The following FHIT variants were observed in gnomAD, a reference collection of about 807,000 sequenced individuals.
The protein encoded by FHIT is bis(5'-adenosyl)-triphosphatase.
FHIT carries 19 observed loss-of-function variants against 17.9 expected under a neutral mutation model. The observed-to-expected ratio is 1.06, with a 90% confidence interval of 0.74 to 1.56. FHIT has a LOEUF of 1.56. Among genes scored for constraint, FHIT ranks in the 40% most tolerant of loss-of-function variants. The pLI is 0.00. For synonymous variants in FHIT, 81 were observed against 69.7 expected (o/e 1.16, Z -0.81); for missense variants, 248 against 189.2 (o/e 1.31, Z -1.82).
intron 5 of FHIT, among the ~76,000 whole-genome samples, chr3:60,305,480 C>T (rs937636923): frequency 3.3e-5 from 5 of 152,114 alleles, no homozygotes; most frequent in Non-Finnish European, 5.9e-5. Context: ...CCATGAGTTA[C>T]TGCCAACAAG....
intron 2 of FHIT, among the ~76,000 whole-genome samples, chr3:61,042,781 A>G (rs915929273): frequency 1.3e-4 from 20 of 151,854 alleles, no homozygotes; most frequent in Non-Finnish European, 2.6e-4. Context: ...CAGAGGTTGC[A>G]GTGAGCCAAG....
intron 5 of FHIT, among the ~76,000 whole-genome samples, chr3:60,390,502 G>A (rs999247894): frequency 6.8e-6 from 1 of 146,940 alleles, no homozygotes; most frequent in Non-Finnish European, 1.5e-5. Context: ...ATTTATAAAA[G>A]AGAAATAAAA....
intron 5 of FHIT, among the ~76,000 whole-genome samples, chr3:60,079,028 G>C (rs920749201): frequency 6.6e-6 from 1 of 152,086 alleles, no homozygotes; most frequent in African/African-American, 2.4e-5. Flanking sequence ...TCTTCATTGA[G>C]GCTCGGCTCC....
intron 8 of FHIT, among the ~76,000 whole-genome samples, chr3:59,837,850 TG>T (rs1553691760): frequency 6.6e-6 from 1 of 151,752 alleles, no homozygotes; most frequent in Non-Finnish European, 1.5e-5. Context: ...GGTGGTGGTG[TG>T]GGGGGGTGGT....
chr3:60,095,669 T>C (rs1035401823), intron 5 of FHIT, among the ~76,000 whole-genome samples: 1 of 152,162 alleles, frequency 6.6e-6, no homozygotes, highest in Non-Finnish European at 1.5e-5. Context: ...AATACAGATG[T>C]TTTTCTAGAT....
At chr3:60,053,181 A>G (rs1701951075) in intron 5 of FHIT, among the ~76,000 whole-genome samples, 1 of 151,548 alleles carries the variant, frequency 6.6e-6, no homozygotes, top group African/African-American at 2.4e-5. Context: ...CTTCTTTCAA[A>G]TACCAGTTTA....
chr3:60,839,146 C>A (rs531452631), intron 3 of FHIT, among the ~76,000 whole-genome samples: 3 of 152,084 alleles, frequency 2.0e-5, no homozygotes, highest in Non-Finnish European at 4.4e-5. Context: ...TCCTGTGTAC[C>A]ACGAGGAGCT....
intron 4 of FHIT, among the ~76,000 whole-genome samples, chr3:60,686,302 T>C (rs1553698419): frequency 6.6e-6 from 1 of 152,202 alleles, no homozygotes; most frequent in Non-Finnish European, 1.5e-5. Flanking sequence ...CTTGAACGTG[T>C]ACATTTATCT....
intron 5 of FHIT, among the ~76,000 whole-genome samples, chr3:60,088,976 T>C (rs1703616811): frequency 6.6e-6 from 1 of 152,178 alleles, no homozygotes; most frequent in Non-Finnish European, 1.5e-5. Flanking sequence ...TTTAGGCCAA[T>C]TCAGTTTGCC....
At chr3:60,384,930 T>C (rs936633143) in intron 5 of FHIT, among the ~76,000 whole-genome samples, 4 of 152,170 alleles carry the variant, frequency 2.6e-5, no homozygotes, top group African/African-American at 9.7e-5. Flanking sequence ...TTTCTTTCGC[T>C]CTATACAGTT....
At chr3:59,816,596 G>T (rs2107072873) in intron 8 of FHIT, among the ~76,000 whole-genome samples, 1 of 152,268 alleles carries the variant, frequency 6.6e-6, no homozygotes, top group South Asian at 2.1e-4. Context: ...TAGGTGCTCA[G>T]GGAGCAGGAA....
At chr3:60,344,001 T>C (rs1013506058) in intron 5 of FHIT, among the ~76,000 whole-genome samples, 1 of 152,206 alleles carries the variant, frequency 6.6e-6, no homozygotes, top group Non-Finnish European at 1.5e-5. Context: ...CACTTTGCTT[T>C]CAAACTCTAT....
chr3:60,002,094 C>T (rs1247097796), intron 7 of FHIT, among the ~76,000 whole-genome samples: 1 of 152,072 alleles, frequency 6.6e-6, no homozygotes, highest in African/African-American at 2.4e-5. Flanking sequence ...GTTGTTTATT[C>T]TTCTCAACCA....
intron 4 of FHIT, among the ~76,000 whole-genome samples, chr3:60,563,376 A>G (rs2037022300): frequency 6.6e-6 from 1 of 152,188 alleles, no homozygotes; most frequent in Non-Finnish European, 1.5e-5. Flanking sequence ...CAGATATTGC[A>G]TTTTTAGACC....
intron 5 of FHIT, among the ~76,000 whole-genome samples, chr3:60,295,694 TTA>T (rs942847052): frequency 5.9e-5 from 9 of 152,236 alleles, no homozygotes; most frequent in Admixed American, 5.9e-4. Flanking sequence ...TGTAAGGCAG[TTA>T]TATGTTTAGT....
chr3:59,939,800 T>C (rs1706422123), intron 7 of FHIT, among the ~76,000 whole-genome samples: 1 of 152,268 alleles, frequency 6.6e-6, no homozygotes, highest in African/African-American at 2.4e-5. Context: ...TCCAGAGAAA[T>C]GTCACACCCT....
intron 4 of FHIT, among the ~76,000 whole-genome samples, chr3:60,793,517 G>T (rs779398902): frequency 6.6e-6 from 1 of 152,106 alleles, no homozygotes; most frequent in African/African-American, 2.4e-5. Flanking sequence ...TGGCCAGGCT[G>T]GTCTAGAACT....
chr3:60,082,708 G>C (rs192507219), intron 5 of FHIT, among the ~76,000 whole-genome samples: 3 of 152,204 alleles, frequency 2.0e-5, no homozygotes, highest in Admixed American at 2.0e-4. Flanking sequence ...GTTTGGATTT[G>C]TATTTCTCTG....
At chr3:60,189,480 G>A (rs1264503903) in intron 5 of FHIT, among the ~76,000 whole-genome samples, 1 of 152,118 alleles carries the variant, frequency 6.6e-6, no homozygotes, top group Non-Finnish European at 1.5e-5. Flanking sequence ...GGGCAATTCT[G>A]CTGAATGCTA....
Sources: gnomAD v4.1 joint callset for allele counts (sites outside exome capture counted in the v4.1 genomes callset) on GRCh38, gnomAD v4.1.1 for gene constraint, MANE v1.5 for transcripts, NCBI Gene and HGNC (gene_info 2026-07-23, HGNC 2026-07-21) for gene names.